Variants in EFCAB8 observed in about 807,000 individuals in gnomAD.
EFCAB8 encodes the protein EF-hand calcium-binding domain-containing protein 8.
Under a neutral mutation model 116.3 loss-of-function variants are expected in EFCAB8, and 100 were observed. The ratio of observed to expected loss-of-function variants is 0.86; its 90% CI spans 0.73 to 1.02. EFCAB8 has a LOEUF of 1.02. EFCAB8 is among the 50% of genes least tolerant of loss of function. The pLI is 0.00. For missense variants in EFCAB8, 1,320 were observed against 1,416.9 expected, an observed-to-expected ratio of 0.93 and a Z score of 1.10; for synonymous variants, 558 against 567.9, an observed-to-expected ratio of 0.98 and a Z score of 0.25.
At chr20:32,886,524 C>T (rs17123810) in intron 6 of EFCAB8, among the ~76,000 whole-genome samples, 1,977 of 152,284 alleles carry the variant, frequency 0.013, 54 homozygotes, top group African/African-American at 0.045. Flanking sequence ...CATCAGGGCT[C>T]ATCCTTTGGG....
chr20:32,959,967 G>T lies in EFCAB8; in HGVS notation c.3279G>T (p.Glu1093Asp). The change falls in exon 25 of 27, where the codon GAG (glutamate) becomes GAT (aspartate). Residue 1093 changes from glutamate (E) to aspartate (D), a missense_variant. Coordinates refer to ENST00000400522, the MANE Select transcript of EFCAB8 (RefSeq NM_001143967.2). ...EDIEDSWNKW[E>D]SRDKQVSKVL... ...TTGAGGACAGCTGGAACAAGTGGGA[G>T]TCCAGGGACAAGCAGGTGAGGCTGG... The T allele has an allele frequency of 1.3e-6, 2 of 1,551,718 alleles. No homozygotes were observed. The highest frequency in any genetic ancestry group is 2.4e-5 in the South Asian group (2 of 84,056).
At chr20:32,883,899 CG>C (rs1568907334) in intron 5 of EFCAB8, among the ~76,000 whole-genome samples, 1 of 152,054 alleles carries the variant, frequency 6.6e-6, no homozygotes, top group Non-Finnish European at 1.5e-5. Flanking sequence ...CCACGTTGGC[CG>C]GGCTGGTCTT....
At chr20:32,907,427 A>T (rs963286212) in intron 13 of EFCAB8, among the ~76,000 whole-genome samples, 9 of 152,058 alleles carry the variant, frequency 5.9e-5, no homozygotes, top group African/African-American at 2.2e-4. Flanking sequence ...CCTGGCCATG[A>T]GGGCTGGGCT....
intron 20 of EFCAB8, among the ~76,000 whole-genome samples, chr20:32,920,953 TC>T (rs1314641417): frequency 6.6e-6 from 1 of 152,154 alleles, no homozygotes; most frequent in Non-Finnish European, 1.5e-5. Context: ...TATGGGTTCA[TC>T]TTTGTTCTTC....
At chr20:32,948,792 T>C (rs1988704838) in intron 23 of EFCAB8, among the ~76,000 whole-genome samples, 1 of 152,176 alleles carries the variant, frequency 6.6e-6, no homozygotes, top group African/African-American at 2.4e-5. Flanking sequence ...AATAAAATCA[T>C]TTGACAAAAT....
intron 1 of EFCAB8, among the ~76,000 whole-genome samples, chr20:32,862,565 T>G (rs569288074): frequency 6.6e-6 from 1 of 152,306 alleles, no homozygotes; most frequent in African/African-American, 2.4e-5. Flanking sequence ...GCCAAGACAC[T>G]GCTAGATTAG....
intron 1 of EFCAB8, among the ~76,000 whole-genome samples, chr20:32,862,501 A>C (rs945135606): frequency 6.6e-6 from 1 of 152,086 alleles, no homozygotes; most frequent in Non-Finnish European, 1.5e-5. Context: ...TTGGCTTCCA[A>C]ATCTCCTTCC....
rs1986777755 is a variant in EFCAB8 at position 32,908,425 on chromosome 20, C to G, written c.1446+13C>G. The G allele has an allele frequency of 3.2e-6, 4 of 1,249,814 alleles. No homozygotes were observed. The African/African-American group carries it at 4.7e-5, about 15-fold the overall frequency. 77.4% of individuals were successfully genotyped at this position (1,249,814 alleles called of 1,614,324 possible). A position where few individuals can be genotyped will look rare whatever the true frequency, so the allele number is the denominator to read the frequency against. ...CAGCACCTACTCAGTGAGTGCTGTC[C>G]CAGGAGGGAGTGGGGTCAAGGCCGC... On this transcript the variant is annotated intron_variant, in intron 14 of 26. Transcript: ENST00000400522.
intron 23 of EFCAB8, among the ~76,000 whole-genome samples, chr20:32,955,952 T>A (rs1029221957): frequency 6.6e-6 from 1 of 152,200 alleles, no homozygotes; most frequent in Non-Finnish European, 1.5e-5. Context: ...TTTAATTGGG[T>A]ATTTAGTCCA....
intron 22 of EFCAB8, among the ~76,000 whole-genome samples, chr20:32,934,831 C>A (rs1988040452): frequency 6.6e-6 from 1 of 152,198 alleles, no homozygotes; most frequent in Non-Finnish European, 1.5e-5. Context: ...CCATGTGGAA[C>A]TGTGAGTCCA....
chr20:32,907,068 C>G, intron 13 of EFCAB8, 74 bp downstream of exon 13: 2 of 1,447,186 alleles, frequency 1.4e-6, no homozygotes, highest in East Asian at 5.0e-5. Flanking sequence ...GGCATGACCT[C>G]CCTGCCCACG....
At chr20:32,883,119 T>C (rs1157709157) in intron 5 of EFCAB8, among the ~76,000 whole-genome samples, 2 of 152,134 alleles carry the variant, frequency 1.3e-5, no homozygotes, top group Non-Finnish European at 2.9e-5. Flanking sequence ...GTGTGAGTCA[T>C]TGCGCCTGGC....
chr20:32,923,848 C>A (rs976328649), intron 20 of EFCAB8, among the ~76,000 whole-genome samples: 1 of 152,048 alleles, frequency 6.6e-6, no homozygotes, highest in Admixed American at 6.6e-5. Flanking sequence ...TATCTGCTGC[C>A]GCTGGGTTTT....
chr20:32,910,894 C>T (rs1315923362), intron 15 of EFCAB8, among the ~76,000 whole-genome samples: 1 of 151,916 alleles, frequency 6.6e-6, no homozygotes, highest in African/African-American at 2.4e-5. Flanking sequence ...TGCACCACCA[C>T]CCCCAGCTAA....
chr20:32,961,506 C>T lies in EFCAB8; in HGVS notation c.3764C>T (p.Ser1255Leu). ...SPVSKSTLQG[S>L]VTPKHIVSSF... The stretch of plus-strand genomic sequence containing the variant: ...GTGTCCAAGTCCACCCTGCAGGGGT[C>T]AGTGACCCCCAAGCACATTGTCTCC... Residue 1255 changes from serine (S) to leucine (L), a missense_variant, in exon 27 of 27, where the codon TCA (serine) becomes TTA (leucine). Coordinates refer to ENST00000400522, the MANE Select transcript of EFCAB8 (RefSeq NM_001143967.2). 7.0e-7 allele frequency: 1 copy of T among 1,438,252 alleles called. No homozygotes were observed. The highest frequency in any genetic ancestry group is 9.2e-7 in the Non-Finnish European group (1 of 1,092,284). The allele number at this position is 1,438,252 out of a possible 1,614,324, so 89.1% of individuals were successfully genotyped here.
At chr20:32,922,768 G>A (rs1160475535) in intron 20 of EFCAB8, among the ~76,000 whole-genome samples, 1 of 152,152 alleles carries the variant, frequency 6.6e-6, no homozygotes, top group Non-Finnish European at 1.5e-5. Context: ...GTAGGTGCAA[G>A]GGCCCACATG....
At chr20:32,945,310 C>G (rs1380673114) in intron 23 of EFCAB8, among the ~76,000 whole-genome samples, 1 of 152,110 alleles carries the variant, frequency 6.6e-6, no homozygotes, top group African/African-American at 2.4e-5. Context: ...TGCATGCCAT[C>G]ATGCCTGGCT....
chr20:32,943,954 C>T, intron 23 of EFCAB8, 150 bp downstream of exon 23: 1 of 400,826 alleles, frequency 2.5e-6, no homozygotes, highest in Non-Finnish European at 4.4e-6. Flanking sequence ...ACAGTCTGTC[C>T]AATTATCCAT....
At chr20:32,876,980 AAAC>A (rs1330263158) in intron 4 of EFCAB8, among the ~76,000 whole-genome samples, 3 of 152,040 alleles carry the variant, frequency 2.0e-5, no homozygotes, top group African/African-American at 7.3e-5. Flanking sequence ...GAAAAAAACA[AAAC>A]AAAACAAAAA....
Sources: allele counts gnomAD v4.1 joint callset (sites outside exome capture counted in the v4.1 genomes callset), GRCh38; gene constraint gnomAD v4.1.1; transcripts MANE v1.5; gene names NCBI Gene and HGNC (gene_info 2026-07-23, HGNC 2026-07-21).